The following SYN3 variants were observed in gnomAD, a reference collection of about 807,000 sequenced individuals.
The protein encoded by SYN3 is synapsin III, also known as synapsin-3.
A neutral mutation model predicts 65.8 loss-of-function variants in SYN3; 35 were observed. That is an observed-to-expected ratio of 0.53 (90% CI 0.41 to 0.70). The LOEUF is 0.70. Among genes scored for constraint, SYN3 ranks in the 30% least tolerant of loss-of-function variants. SYN3 has a pLI of 0.00. For missense variants in SYN3, 680 were observed against 749.0 expected, an observed-to-expected ratio of 0.91 and a Z score of 1.08; for synonymous variants, 270 against 292.9, an observed-to-expected ratio of 0.92 and a Z score of 0.80.
In SYN3 at chr22:32,931,440, C is replaced by T. The variant is rs775900440; in HGVS notation, c.411G>A (p.Gly137=). The T allele has an allele frequency of 5.0e-6, 8 of 1,613,888 alleles. No individual in the cohort carries two copies. The highest frequency in any genetic ancestry group is 5.9e-6 in the Non-Finnish European group (7 of 1,179,934). The part of the protein sequence containing the change: ...SELNLAAYVT[G]GCMVDMQVVR... ...CGACCTGCATGTCCACCATGCAGCC[C>T]CCGGTCACATAGGCAGCTAGGTTCA... The change falls in exon 4 of 14, where the codon GGG becomes GGA. Residue 137 remains glycine (G), a synonymous_variant. Coordinates refer to ENST00000358763, the MANE Select transcript of SYN3 (RefSeq NM_003490.4).
intron 6 of SYN3, among the ~76,000 whole-genome samples, chr22:32,823,760 G>A (rs1011542001): frequency 2.0e-5 from 3 of 151,988 alleles, no homozygotes; most frequent in Non-Finnish European, 2.9e-5. Context: ...GTGAAAAGAC[G>A]TGGGGTGCAG....
At chr22:32,678,591 T>G (rs1333231074) in intron 6 of SYN3, among the ~76,000 whole-genome samples, 2 of 150,236 alleles carry the variant, frequency 1.3e-5, no homozygotes, top group Non-Finnish European at 3.0e-5. Context: ...CTCCTCCTTC[T>G]TCTCCTTCTT....
chr22:33,024,872 G>A (rs1333409512), intron 1 of SYN3, among the ~76,000 whole-genome samples: 2 of 152,156 alleles, frequency 1.3e-5, no homozygotes, highest in South Asian at 2.1e-4. Flanking sequence ...GTGTTCTTCC[G>A]AGAACATCTT....
chr22:32,777,441 TG>T (rs879513060), intron 6 of SYN3, among the ~76,000 whole-genome samples: 2 of 151,818 alleles, frequency 1.3e-5, no homozygotes, highest in Non-Finnish European at 2.9e-5. Flanking sequence ...AGAAAAGTCC[TG>T]ACTCGGTGCA....
chr22:32,927,450 A>G (rs1222209707), intron 4 of SYN3, among the ~76,000 whole-genome samples: 2 of 151,680 alleles, frequency 1.3e-5, no homozygotes, highest in Non-Finnish European at 2.9e-5. Context: ...GAGTTTCACC[A>G]TGTTGCCCAG....
At chr22:33,049,696 C>T (rs1473073726) in intron 1 of SYN3, among the ~76,000 whole-genome samples, 4 of 152,192 alleles carry the variant, frequency 2.6e-5, no homozygotes, top group East Asian at 1.9e-4. Context: ...AAAAACCACA[C>T]GGCATGTGGC....
intron 1 of SYN3, among the ~76,000 whole-genome samples, chr22:33,038,092 GCT>G (rs1342987299): frequency 2.6e-5 from 4 of 152,162 alleles, no homozygotes; most frequent in Admixed American, 1.3e-4. Flanking sequence ...TGCCCTGCTG[GCT>G]CTCTTTCTCA....
chr22:32,975,158 T>C lies in SYN3; in HGVS notation c.369+5487A>G, dbSNP rs188264899. Among the ~76,000 whole-genome samples the C allele has an allele frequency of 2.0e-5, 3 of 152,204 alleles. No homozygotes were observed. The East Asian group carries it at 5.8e-4, about 30-fold the overall frequency. On this transcript the variant is annotated intron_variant, in intron 3 of 13. Coordinates refer to ENST00000358763, the MANE Select transcript of SYN3 (RefSeq NM_003490.4). ...TTGGGAGGCTCAGGCGGGTGGATCA[T>C]GAGGTCAGGAGATTGAGACCATCCT...
intron 6 of SYN3, among the ~76,000 whole-genome samples, chr22:32,666,437 C>A (rs2060291162): frequency 6.6e-6 from 1 of 152,192 alleles, no homozygotes; most frequent in African/African-American, 2.4e-5. Flanking sequence ...TCTCACTCTG[C>A]TCTGGCCATG....
chr22:32,620,344 C>A, intron 6 of SYN3, among the ~76,000 whole-genome samples: 1 of 152,192 alleles, frequency 6.6e-6, no homozygotes, highest in South Asian at 2.1e-4. Context: ...ATATGAATCA[C>A]GAAAGGCATA....
intron 7 of SYN3, among the ~76,000 whole-genome samples, chr22:32,573,764 G>GTTTTT (rs1206847975): frequency 9.2e-6 from 1 of 108,506 alleles, no homozygotes; most frequent in Non-Finnish European, 1.8e-5. Flanking sequence ...GAAGGAAGGG[G>GTTTTT]TTTTTTTTTT....
intron 7 of SYN3, among the ~76,000 whole-genome samples, chr22:32,569,256 A>AATCTATTT (rs376331895): frequency 7.1e-6 from 1 of 140,990 alleles, no homozygotes; most frequent in Non-Finnish European, 1.5e-5. Flanking sequence ...ATGCATCCAA[A>AATCTATTT]ATCTATCTAT....
intron 1 of SYN3, among the ~76,000 whole-genome samples, chr22:33,044,534 C>T (rs2054024074): frequency 6.6e-6 from 1 of 152,038 alleles, no homozygotes; most frequent in Non-Finnish European, 1.5e-5. Context: ...ATCACCTCAC[C>T]CAACATAAGC....
intron 6 of SYN3, among the ~76,000 whole-genome samples, chr22:32,828,109 G>A (rs563887208): frequency 6.6e-6 from 1 of 152,346 alleles, no homozygotes; most frequent in Admixed American, 6.5e-5. Context: ...TCACCATCTA[G>A]AAGATACTTG....
At chr22:32,585,983 TATGTATA>T (rs2059024801) in intron 7 of SYN3, among the ~76,000 whole-genome samples, 4 of 82,388 alleles carry the variant, frequency 4.9e-5, no homozygotes, top group Non-Finnish European at 8.8e-5. Context: ...TGTATATATG[TATGTATA>T]CGTATATATG....
At chr22:32,962,129 C>CTTTTTTTT (rs58025844) in intron 3 of SYN3, among the ~76,000 whole-genome samples, 3 of 107,182 alleles carry the variant, frequency 2.8e-5, no homozygotes, top group African/African-American at 7.4e-5. Context: ...TTTAGAATCT[C>CTTTTTTTT]TTTTTTTTTT....
intron 6 of SYN3, among the ~76,000 whole-genome samples, chr22:32,628,341 A>T (rs1247776258): frequency 1.3e-5 from 2 of 152,114 alleles, no homozygotes; most frequent in African/African-American, 4.8e-5. Context: ...TTCTTCTTTC[A>T]CAAGGTATAT....
In SYN3 at chr22:32,825,215, T is replaced by C. The variant is rs1331099528; in HGVS notation, c.711+39700A>G. On this transcript the variant is annotated intron_variant, in intron 6 of 13. Transcript: ENST00000358763. Reference sequence around the variant, plus strand: ...GTGTCTAGGGCTTCCTTAGTTATACTGAATGCTGCATGTAGAGGTCTGCAG... The same window carrying C: ...GTGTCTAGGGCTTCCTTAGTTATACCGAATGCTGCATGTAGAGGTCTGCAG... Among the ~76,000 whole-genome samples the C allele has an allele frequency of 3.3e-5, 5 of 152,146 alleles. No individual in the cohort carries two copies. In the South Asian group the frequency reaches 1.0e-3, roughly 32 times the overall value.
At chr22:32,852,125 AATAG>A (rs2048235011) in intron 6 of SYN3, among the ~76,000 whole-genome samples, 1 of 152,352 alleles carries the variant, frequency 6.6e-6, no homozygotes, top group Admixed American at 6.5e-5. Flanking sequence ...AACACTGTAA[AATAG>A]ATAACACCTT....
Sources: allele counts gnomAD v4.1 joint callset (sites outside exome capture counted in the v4.1 genomes callset), GRCh38; gene constraint gnomAD v4.1.1; transcripts MANE v1.5; gene names NCBI Gene and HGNC (gene_info 2026-07-23, HGNC 2026-07-21).